Variants in ADK observed in about 807,000 individuals in gnomAD.
The protein encoded by ADK is N6,N6-dimethyladenosine kinase.
In ADK, 24 loss-of-function variants were observed where a neutral mutation model predicts 44.7. The ratio of observed to expected loss-of-function variants is 0.54; its 90% CI spans 0.39 to 0.76. ADK has a LOEUF of 0.76. ADK is among the 30% of genes least tolerant of loss of function. The pLI is 0.00. For synonymous variants in ADK, 128 were observed against 142.6 expected (o/e 0.90, Z 0.73); for missense variants, 321 against 425.1 (o/e 0.76, Z 2.15).
At chr10:74,708,083 G>A (rs976096579) in intron 10 of ADK, among the ~76,000 whole-genome samples, 10 of 151,268 alleles carry the variant, frequency 6.6e-5, no homozygotes, top group African/African-American at 1.5e-4. Context: ...CCTGGGAGGC[G>A]GAGGTTGCAG....
At chr10:74,185,598 C>T (rs1369317310) in intron 1 of ADK, among the ~76,000 whole-genome samples, 12 of 149,210 alleles carry the variant, frequency 8.0e-5, no homozygotes, top group Admixed American at 4.0e-4. Context: ...TTTGGGAGGC[C>T]GAGGCGGGTA....
At chr10:74,364,687 G>GGT (rs58295310) in intron 4 of ADK, among the ~76,000 whole-genome samples, 6,166 of 136,168 alleles carry the variant, frequency 0.045, 136 homozygotes, top group South Asian at 0.083. Context: ...CAAAGGCTAT[G>GGT]GTGTGTGTGT....
chr10:74,224,606 C>T lies in ADK; in HGVS notation c.194+15C>T. On this transcript the variant is annotated intron_variant, in intron 3 of 10. Transcript: ENST00000539909. ...CACAAGGAACTGTAAGTGCATTAAA[C>T]CATTGGTTGTAAATAGTTTACTCTG... 1.2e-6 allele frequency: 2 copies of T among 1,608,870 alleles called. No homozygotes were observed. Among genetic ancestry groups the T allele is most frequent in the Non-Finnish European group, 1.7e-6 (2 of 1,175,480 alleles).
chr10:74,356,003 T>TATTGC (rs1554847170), intron 4 of ADK, among the ~76,000 whole-genome samples: 1 of 30,656 alleles, frequency 3.3e-5, no homozygotes, highest in African/African-American at 1.1e-4. Flanking sequence ...AAATAATTCA[T>TATTGC]TTTTTTTTTT....
chr10:74,442,956 A>T (rs1845476607), intron 6 of ADK, among the ~76,000 whole-genome samples: 1 of 152,204 alleles, frequency 6.6e-6, no homozygotes, highest in Non-Finnish European at 1.5e-5. Flanking sequence ...ATGAAATCTT[A>T]AAAAGTCAAC....
At chr10:74,155,695 A>G (rs891661368) in intron 1 of ADK, among the ~76,000 whole-genome samples, 2 of 151,730 alleles carry the variant, frequency 1.3e-5, no homozygotes, top group Non-Finnish European at 2.9e-5. Context: ...CGCCCGGCCA[A>G]TTTTTTGTAT....
At chr10:74,499,419 T>G (rs1018690291) in intron 6 of ADK, among the ~76,000 whole-genome samples, 2 of 152,182 alleles carry the variant, frequency 1.3e-5, no homozygotes, top group Non-Finnish European at 2.9e-5. Context: ...CCGGGCACAA[T>G]GGCTCACGCC....
intron 4 of ADK, among the ~76,000 whole-genome samples, chr10:74,353,507 T>C (rs1225530262): frequency 6.7e-6 from 1 of 149,534 alleles, no homozygotes; most frequent in African/African-American, 2.5e-5. Flanking sequence ...CAAACCACCA[T>C]GGCACATGTA....
chr10:74,590,831 A>T (rs1047895606), intron 8 of ADK, among the ~76,000 whole-genome samples: 1 of 152,094 alleles, frequency 6.6e-6, no homozygotes, highest in African/African-American at 2.4e-5. Flanking sequence ...TATAAATAAA[A>T]ATTTTCAGGA....
chr10:74,422,304 A>G (rs188439704), intron 6 of ADK, among the ~76,000 whole-genome samples: 131 of 152,340 alleles, frequency 8.6e-4, no homozygotes, highest in African/African-American at 3.1e-3. Flanking sequence ...GCATTCCTGA[A>G]AACTGTCAAG....
chr10:74,179,683 T>A lies in ADK; in HGVS notation c.66-21081T>A, dbSNP rs569551514. Reference sequence around the variant, plus strand: ...TCAGTTCTGAGATATCAGAACTGATTTCTTCCTTTCCTGGAAAACTCATGA... The same window carrying A: ...TCAGTTCTGAGATATCAGAACTGATATCTTCCTTTCCTGGAAAACTCATGA... On this transcript the variant is annotated intron_variant, in intron 1 of 10. Coordinates refer to ENST00000539909, the MANE Select transcript of ADK (RefSeq NM_006721.4). Among the ~76,000 whole-genome samples, 33 of 152,316 alleles carry A rather than the reference T, an allele frequency of 2.2e-4. No homozygotes were observed. In the South Asian group the frequency reaches 6.8e-3, roughly 32 times the overall value.
chr10:74,375,153 T>A (rs1386348855), intron 4 of ADK, among the ~76,000 whole-genome samples: 1 of 152,176 alleles, frequency 6.6e-6, no homozygotes, highest in Non-Finnish European at 1.5e-5. Flanking sequence ...ATAAATCTTT[T>A]TTGTAAAAGA....
At chr10:74,257,520 A>G (rs1465761972) in intron 3 of ADK, among the ~76,000 whole-genome samples, 14 of 152,212 alleles carry the variant, frequency 9.2e-5, no homozygotes, top group Non-Finnish European at 2.1e-4. Context: ...AAAGCAATTT[A>G]TAATTTTATA....
intron 1 of ADK, among the ~76,000 whole-genome samples, chr10:74,191,397 A>G (rs1469859190): frequency 1.3e-5 from 2 of 152,018 alleles, no homozygotes; most frequent in Non-Finnish European, 2.9e-5. Flanking sequence ...AGCATTAAAA[A>G]AAATTATTTT....
intron 1 of ADK, among the ~76,000 whole-genome samples, chr10:74,187,703 C>T (rs1000954716): frequency 2.0e-5 from 3 of 151,852 alleles, no homozygotes; most frequent in Non-Finnish European, 2.9e-5. Context: ...GCTTGTGAAA[C>T]TATTCTCTCA....
intron 6 of ADK, among the ~76,000 whole-genome samples, chr10:74,407,703 A>G (rs928410816): frequency 6.6e-6 from 1 of 152,128 alleles, no homozygotes; most frequent in South Asian, 2.1e-4. Context: ...AATGGAAACT[A>G]CTTGACTCTA....
chr10:74,459,453 G>T (rs997394925), intron 6 of ADK, among the ~76,000 whole-genome samples: 10 of 151,822 alleles, frequency 6.6e-5, no homozygotes, highest in Non-Finnish European at 1.3e-4. Context: ...AGGCTCAGCC[G>T]GGTGCGGTGG....
intron 1 of ADK, among the ~76,000 whole-genome samples, chr10:74,184,071 C>T (rs535542242): frequency 6.6e-6 from 1 of 152,174 alleles, no homozygotes; most frequent in African/African-American, 2.4e-5. Flanking sequence ...GTGCCCACCA[C>T]CACGCCCTGC....
intron 8 of ADK, among the ~76,000 whole-genome samples, chr10:74,596,044 T>C (rs997262995): frequency 3.5e-5 from 5 of 142,742 alleles, no homozygotes; most frequent in Non-Finnish European, 7.6e-5. Context: ...AGTAAAAATA[T>C]GAGCCAAATT....
Sources: allele counts gnomAD v4.1 joint callset (sites outside exome capture counted in the v4.1 genomes callset), GRCh38; gene constraint gnomAD v4.1.1; transcripts MANE v1.5; gene names NCBI Gene and HGNC (gene_info 2026-07-23, HGNC 2026-07-21).